The following OGA variants were observed in gnomAD, a reference collection of about 807,000 sequenced individuals.
OGA encodes O-GlcNAcase.
Under a neutral mutation model 102.0 loss-of-function variants are expected in OGA, and 21 were observed. That is an observed-to-expected ratio of 0.21 (90% CI 0.15 to 0.30). The LOEUF is 0.30. OGA is among the 10% of genes least tolerant of loss of function. OGA has a pLI of 1.00. For synonymous variants in OGA, 408 were observed against 378.2 expected (o/e 1.08, Z -0.91); for missense variants, 765 against 1,107.8 (o/e 0.69, Z 4.39).
chr10:101,787,771 T>C, intron 14 of OGA: 1 of 404,364 alleles, frequency 2.5e-6, no homozygotes, highest in Non-Finnish European at 4.6e-6. Context: ...TCTCTCTCTC[T>C]CTCTCTCTCT....
chr10:101,798,904 G>C lies in OGA; in HGVS notation c.1747C>G (p.Gln583Glu), dbSNP rs1362093612. 1 of 1,614,084 alleles carries C rather than the reference G, an allele frequency of 6.2e-7. No homozygotes were observed. Among genetic ancestry groups the C allele is most frequent in the Non-Finnish European group, 8.5e-7 (1 of 1,180,012 alleles). The change falls in exon 9 of 16, where the codon CAA becomes GAA. Residue 583 changes from glutamine to glutamate, a missense_variant. Physicochemically the swap from Gln to Glu is conservative, Grantham distance 29. Transcript: ENST00000361464. The part of the protein sequence containing the change: ...PKGAQMLREF[Q>E]WLRANSSVVS... Reference sequence around the variant, plus strand: ...ACACTACTATTTGCTCGAAGCCATTGAAATTCCCGTAACATCTGTGCTCCT... The same window carrying C: ...ACACTACTATTTGCTCGAAGCCATTCAAATTCCCGTAACATCTGTGCTCCT...
chr10:101,812,189 G>A (rs984279524), intron 3 of OGA, among the ~76,000 whole-genome samples: 1 of 152,096 alleles, frequency 6.6e-6, no homozygotes, highest in Non-Finnish European at 1.5e-5. Flanking sequence ...CTAATTTGGC[G>A]GTTCAATGCT....
At chr10:101,791,976 G>C (rs1326677176) in intron 12 of OGA, among the ~76,000 whole-genome samples, 3 of 150,998 alleles carry the variant, frequency 2.0e-5, no homozygotes, top group African/African-American at 7.3e-5. Flanking sequence ...ACAGGCACCC[G>C]CCACCACGCC....
At chr10:101,803,672 C>T (rs1218448769) in intron 7 of OGA, 63 bp downstream of exon 7, 7 of 1,447,940 alleles carry the variant, frequency 4.8e-6, no homozygotes, top group Non-Finnish European at 4.7e-6. Context: ...TGCATACTTT[C>T]CACTGGCTCT....
rs765894089 is a variant in OGA at position 101,799,135 on chromosome 10, T to C, written c.1516A>G (p.Ile506Val). Residue 506 changes from isoleucine to valine, a missense_variant, in exon 9 of 16, where the codon ATA becomes GTA. Ile to Val is a conservative substitution (Grantham distance 29, BLOSUM62 3). Coordinates refer to ENST00000361464, the MANE Select transcript of OGA (RefSeq NM_012215.5). ...LKPMDTDKES[I>V]AESKSPEMSM... ...ATCTCTGGGGATTTTGATTCAGCTA[T>C]GCTCTCTTTATCAGTGTCCATTGGT... 9.9e-6 allele frequency: 16 copies of C among 1,614,148 alleles called. No individual in the cohort carries two copies. Among genetic ancestry groups the C allele is most frequent in the South Asian group, 2.2e-5 (2 of 91,088 alleles).
At position 101,800,389 on chromosome 10, in the gene OGA, C is replaced by A; in HGVS notation, c.1048G>T (p.Asp350Tyr). The change falls in exon 8 of 16, where the codon GAT becomes TAT. Residue 350 changes from aspartate to tyrosine, a missense_variant. Asp to Tyr is a radical substitution (Grantham distance 160). Transcript: ENST00000361464. The stretch of plus-strand genomic sequence containing the variant: ...TTTATCTGGATGGACACAGTACTAT[C>A]TTCACTGTCAGCTGCAAAAAATAAA... ...RKDVVMTDSE[D>Y]STVSIQIKLE... 6.2e-7 allele frequency: 1 copy of A among 1,607,876 alleles called. No homozygotes were observed. Among genetic ancestry groups the A allele is most frequent in the Non-Finnish European group, 8.5e-7 (1 of 1,177,834 alleles).
chr10:101,802,689 T>A (rs1184271528), intron 7 of OGA, among the ~76,000 whole-genome samples: 1 of 150,824 alleles, frequency 6.6e-6, no homozygotes, highest in African/African-American at 2.4e-5. Context: ...AAAAAAAAAC[T>A]ACTTTATTCT....
In OGA at chr10:101,786,264, A is replaced by T; in HGVS notation, c.*187T>A. ...TCTCTTTCATACAGGATTTGCTGCAATACTATATTCTTCCAACCAGTGAGT... is the reference window on the plus strand; with the variant it reads ...TCTCTTTCATACAGGATTTGCTGCATTACTATATTCTTCCAACCAGTGAGT... On this transcript the variant is annotated 3_prime_UTR_variant, in exon 16 of 16. Transcript: ENST00000361464. 3.9e-6 allele frequency: 2 copies of T among 509,182 alleles called. No homozygotes were observed. Among genetic ancestry groups the T allele is most frequent in the Non-Finnish European group, 6.4e-6 (2 of 313,914 alleles). The allele number at this position is 509,182 out of a possible 1,614,324, so 31.5% of individuals were successfully genotyped here. A position where few individuals can be genotyped will look rare whatever the true frequency, so the allele number is the denominator to read the frequency against.
intron 10 of OGA, 143 bp downstream of exon 10, chr10:101,797,837 G>T: frequency 1.4e-6 from 1 of 737,860 alleles, no homozygotes; most frequent in Non-Finnish European, 2.2e-6. Flanking sequence ...CTTCAATAAT[G>T]CCTATTTTTG....
At chr10:101,796,857 TG>T (rs1160390562) in intron 10 of OGA, among the ~76,000 whole-genome samples, 1 of 151,926 alleles carries the variant, frequency 6.6e-6, no homozygotes, top group Non-Finnish European at 1.5e-5. Flanking sequence ...CCAAGAGCGC[TG>T]GGATTACAGG....
intron 8 of OGA, 57 bp from the exon 9 acceptor site, chr10:101,799,512 G>C (rs964792277): frequency 2.2e-5 from 33 of 1,479,012 alleles, no homozygotes; most frequent in Non-Finnish European, 2.9e-5. Flanking sequence ...CAGAATTAGA[G>C]ATAGAACACA....
chr10:101,813,963 C>T (rs777462449), intron 1 of OGA, among the ~76,000 whole-genome samples: 2 of 151,870 alleles, frequency 1.3e-5, no homozygotes, highest in East Asian at 1.9e-4. Flanking sequence ...TAATGGGGAA[C>T]GGCAGCAATG....
At position 101,784,688 on chromosome 10, in the gene OGA, A is replaced by C. The variant is rs1472748997; in HGVS notation, c.*1763T>G. On this transcript the variant is annotated 3_prime_UTR_variant, in exon 16 of 16. Transcript: ENST00000361464. ...TACTAAAAGCCAAGATAAAACCAAAAGCAAACTTGCTAAAAAATCCTGAAT... is the reference window on the plus strand; with the variant it reads ...TACTAAAAGCCAAGATAAAACCAAACGCAAACTTGCTAAAAAATCCTGAAT... The C allele has an allele frequency of 6.6e-6, 1 of 152,292 alleles. No homozygotes were observed. Among genetic ancestry groups the C allele is most frequent in the African/African-American group, 2.4e-5 (1 of 41,470 alleles). The allele number at this position is 152,292 out of a possible 1,614,324, so 9.4% of individuals were successfully genotyped here. A position where few individuals can be genotyped will look rare whatever the true frequency, so the allele number is the denominator to read the frequency against.
At position 101,799,136 on chromosome 10, in the gene OGA, G is replaced by C. The variant is rs1163032999; in HGVS notation, c.1515C>G (p.Ser505Arg). 1 of 1,614,054 alleles carries C rather than the reference G, an allele frequency of 6.2e-7. No homozygotes were observed. The highest frequency in any genetic ancestry group is 8.5e-7 in the Non-Finnish European group (1 of 1,180,036). Residue 505 changes from serine (S) to arginine (R), a missense_variant, in exon 9 of 16, where the codon AGC becomes AGG. Coordinates refer to ENST00000361464, the MANE Select transcript of OGA (RefSeq NM_012215.5). ...ELKPMDTDKE[S>R]IAESKSPEMS... ...TCTCTGGGGATTTTGATTCAGCTAT[G>C]CTCTCTTTATCAGTGTCCATTGGTT...
In OGA at chr10:101,799,005, G is replaced by A; in HGVS notation, c.1646C>T (p.Thr549Ile). ...ATCCTCCAGGGTCACTGGTTCCGCA[G>A]TGTACAAAGGCTTTTCATTTGGACC... ...VPGPNEKPLY[T>I]AEPVTLEDLQ... The change falls in exon 9 of 16, where the codon ACT becomes ATT. Residue 549 changes from threonine (T) to isoleucine (I), a missense_variant. By Grantham distance (89) the Thr-to-Ile change is moderately conservative (BLOSUM62 -1). Around this residue, in one of 7 missense-constraint regions of OGA, gnomAD observed 281 missense variants for 345.8 expected, o/e 0.81. Coordinates refer to ENST00000361464, the MANE Select transcript of OGA (RefSeq NM_012215.5). 1 of 1,614,216 alleles carries A rather than the reference G, an allele frequency of 6.2e-7. No homozygotes were observed. Among genetic ancestry groups the A allele is most frequent in the Non-Finnish European group, 8.5e-7 (1 of 1,180,040 alleles).
At chr10:101,802,548 A>G (rs1222541278) in intron 7 of OGA, among the ~76,000 whole-genome samples, 1 of 152,004 alleles carries the variant, frequency 6.6e-6, no homozygotes, top group Non-Finnish European at 1.5e-5. Context: ...GCATGCCTGT[A>G]ATCCCAGCTA....
At chr10:101,815,214 A>G (rs2065605960) in intron 1 of OGA, among the ~76,000 whole-genome samples, 1 of 152,208 alleles carries the variant, frequency 6.6e-6, no homozygotes, top group South Asian at 2.1e-4. Flanking sequence ...ATTACATACC[A>G]ATGTATAACT....
At chr10:101,792,203 G>C (rs1341865458) in intron 12 of OGA, among the ~76,000 whole-genome samples, 10 of 151,962 alleles carry the variant, frequency 6.6e-5, no homozygotes, top group African/African-American at 9.7e-5. Context: ...TGTATTTTTA[G>C]TAGAGACAAG....
At chr10:101,813,652 G>GT (rs746931966) in intron 1 of OGA, 46 bp from the exon 2 acceptor site, 1 of 1,262,390 alleles carries the variant, frequency 7.9e-7, no homozygotes, top group South Asian at 1.3e-5. Flanking sequence ...TTAAAATGTG[G>GT]TAAGCTTTAT....
Sources: allele counts gnomAD v4.1 joint callset (sites outside exome capture counted in the v4.1 genomes callset), GRCh38; gene constraint gnomAD v4.1.1; regional missense constraint gnomAD v4.1.1; transcripts MANE v1.5; gene names NCBI Gene and HGNC (gene_info 2026-07-23, HGNC 2026-07-21).